The following ITGA11 variants were observed in gnomAD, a reference collection of about 807,000 sequenced individuals.
ITGA11 encodes integrin alpha-11.
Under a neutral mutation model 141.9 loss-of-function variants are expected in ITGA11, and 97 were observed. The observed-to-expected ratio is 0.68, with a 90% CI of 0.58 to 0.81. ITGA11 has a LOEUF of 0.81. ITGA11 is among the 30% of genes least tolerant of loss of function. ITGA11 has a pLI of 0.00. For synonymous variants in ITGA11, 658 were observed against 624.6 expected (o/e 1.05, Z -0.80); for missense variants, 1,387 against 1,559.2 (o/e 0.89, Z 1.86).
chr15:68,305,244 C>T lies in ITGA11; in HGVS notation c.3382-1359G>A, dbSNP rs1595847724. On this transcript the variant is annotated intron_variant, in intron 28 of 29. Transcript: ENST00000315757. This position sits in a 1 kb window ranked among gnomAD's most constrained non-coding sequence, Gnocchi z 4.6. ...GGGTTTCCCTCACGCAGCCACGAGA[C>T]ACTCCTGTCTTCCTCATGGTCTCTG... Among the ~76,000 whole-genome samples, 4 of 152,220 alleles carry T rather than the reference C, an allele frequency of 2.6e-5. No homozygotes were observed. The highest frequency in any genetic ancestry group is 1.3e-4 in the Admixed American group (2 of 15,288).
At position 68,308,616 on chromosome 15, in the gene ITGA11, G is replaced by A. The variant is rs1040771301; in HGVS notation, c.3175-920C>T. ...AAATTAGCCAGCCGTGGTGGCACGC[G>A]CCTGTAGTCCCAACTACTTGGGAGG... On this transcript the variant is annotated intron_variant, in intron 26 of 29. Transcript: ENST00000315757. The surrounding 1 kb of genome is among the most constrained non-coding windows in gnomAD (Gnocchi z 5.2). 5.9e-5 allele frequency among the ~76,000 whole-genome samples: 9 copies of A among 152,074 alleles called. No individual in the cohort carries two copies. Among genetic ancestry groups the A allele is most frequent in the South Asian group, 2.1e-4 (1 of 4,822 alleles).
intron 20 of ITGA11, among the ~76,000 whole-genome samples, chr15:68,318,594 T>C (rs539106878): frequency 3.9e-5 from 6 of 152,188 alleles, no homozygotes; most frequent in African/African-American, 1.2e-4. Context: ...TTGAGGTCTG[T>C]TTGAGGATGG....
At position 68,311,281 on chromosome 15, in the gene ITGA11, C is replaced by A; in HGVS notation, c.3087+9G>T. The A allele has an allele frequency of 1.3e-6, 2 of 1,547,086 alleles. No individual in the cohort carries two copies. The highest frequency in any genetic ancestry group is 2.4e-5 in the East Asian group (1 of 41,580). On this transcript the variant is annotated intron_variant, in intron 25 of 29. Transcript: ENST00000315757. ...CCCTCCCCTAGCCGGCTCCCAAGGC[C>A]ATCACCACCTCGTCCGTGAGGAAGT...
At chr15:68,366,783 G>A (rs184400168) in intron 3 of ITGA11, among the ~76,000 whole-genome samples, 7 of 152,152 alleles carry the variant, frequency 4.6e-5, no homozygotes, top group Non-Finnish European at 8.8e-5. Context: ...CCCTGGCTTT[G>A]AGAATCACAT....
intron 3 of ITGA11, chr15:68,365,137 G>A (rs973992166): frequency 2.3e-5 from 23 of 985,150 alleles, no homozygotes; most frequent in Non-Finnish European, 2.7e-5. Flanking sequence ...GCATGCCATG[G>A]CATCCCACCT....
At chr15:68,429,156 C>A (rs1210400443) in intron 1 of ITGA11, among the ~76,000 whole-genome samples, 1 of 152,186 alleles carries the variant, frequency 6.6e-6, no homozygotes, top group South Asian at 2.1e-4. Flanking sequence ...AAGCATTAAT[C>A]TTTGTGATAA....
chr15:68,362,087 A>C, intron 4 of ITGA11: 1 of 162,566 alleles, frequency 6.2e-6, no homozygotes, highest in Non-Finnish European at 1.3e-5. Flanking sequence ...CACTAGAATA[A>C]CTCCTCTGTC....
At chr15:68,430,137 C>G (rs895879229) in intron 1 of ITGA11, among the ~76,000 whole-genome samples, 1 of 152,236 alleles carries the variant, frequency 6.6e-6, no homozygotes. Context: ...AAGAATGCAA[C>G]TGACCAGACA....
At chr15:68,351,050 G>C (rs1005244942) in intron 8 of ITGA11, among the ~76,000 whole-genome samples, 1 of 152,148 alleles carries the variant, frequency 6.6e-6, no homozygotes, top group African/African-American at 2.4e-5. Flanking sequence ...GCAATGGATG[G>C]GGGGAAACAC....
chr15:68,409,051 C>T (rs201041867), intron 1 of ITGA11, among the ~76,000 whole-genome samples: 1 of 152,226 alleles, frequency 6.6e-6, no homozygotes, highest in Non-Finnish European at 1.5e-5. Context: ...GTACTCAATA[C>T]ATCTTGGTTG....
intron 1 of ITGA11, among the ~76,000 whole-genome samples, chr15:68,411,657 T>C (rs1896773628): frequency 6.6e-6 from 1 of 152,224 alleles, no homozygotes; most frequent in Non-Finnish European, 1.5e-5. Context: ...CTGCTCCAGC[T>C]TGCATCATCA....
rs1171093495 is a variant in ITGA11, at chr15:68,396,932, A to ATACAATATATTATTTAT, written c.164+5985_164+5986insATAAATAATATATTGTA. On this transcript the variant is annotated intron_variant, in intron 2 of 29. Coordinates refer to ENST00000315757, the MANE Select transcript of ITGA11 (RefSeq NM_001004439.2). Reference sequence around the variant, plus strand: ...TATTATATATTATTTATTATATAATATATAATATATTATATATTATTTATT... The same window carrying ATACAATATATTATTTAT: ...TATTATATATTATTTATTATATAATATACAATATATTATTTATTATAATATATTATATATTATTTATT... Among the ~76,000 whole-genome samples, 4 of 34,890 alleles carry ATACAATATATTATTTAT rather than the reference A, an allele frequency of 1.1e-4. 1 individual carries two copies. Among genetic ancestry groups the ATACAATATATTATTTAT allele is most frequent in the African/African-American group, 2.8e-4 (2 of 7,054 alleles). The allele number at this position is 34,890 out of a possible 152,430, so 22.9% of individuals were successfully genotyped here.
At chr15:68,329,479 C>T (rs1028733652) in intron 15 of ITGA11, among the ~76,000 whole-genome samples, 8 of 152,218 alleles carry the variant, frequency 5.3e-5, no homozygotes, top group African/African-American at 1.4e-4. Context: ...AGAGGGCTCT[C>T]GCCCGCAATT....
Position 68,333,677 on chromosome 15 carries a change from C to A in ITGA11, c.1426-1199G>T, listed in dbSNP as rs1894252547. Reference sequence around the variant, plus strand: ...CCTAGGTGAGGCGCCTTCTAAAGGGCCTTCCAGCCTCAGGCTGGCCCCTTC... The same window carrying A: ...CCTAGGTGAGGCGCCTTCTAAAGGGACTTCCAGCCTCAGGCTGGCCCCTTC... On this transcript the variant is annotated intron_variant, in intron 12 of 29. Coordinates refer to ENST00000315757, the MANE Select transcript of ITGA11 (RefSeq NM_001004439.2). The surrounding 1 kb of genome is among the most constrained non-coding windows in gnomAD (Gnocchi z 4.2). Among the ~76,000 whole-genome samples the A allele has an allele frequency of 6.6e-6, 1 of 152,320 alleles. No homozygotes were observed. The highest frequency in any genetic ancestry group is 2.4e-5 in the African/African-American group (1 of 41,572).
chr15:68,325,003 G>C lies in ITGA11; in HGVS notation c.2322+128C>G. 1.4e-6 allele frequency: 1 copy of C among 711,584 alleles called. No individual in the cohort carries two copies. Among genetic ancestry groups the C allele is most frequent in the South Asian group, 1.6e-5 (1 of 60,966 alleles). The allele number at this position is 711,584 out of a possible 1,614,324, so 44.1% of individuals were successfully genotyped here. On this transcript the variant is annotated intron_variant, in intron 18 of 29. Coordinates refer to ENST00000315757, the MANE Select transcript of ITGA11 (RefSeq NM_001004439.2). The surrounding 1 kb of genome is among the most constrained non-coding windows in gnomAD (Gnocchi z 5.5). ...CCACACTGTGGGTTTGCCAGGACAG[G>C]AGGTGGGAAGGTGAGATGAGGGATG...
At position 68,328,284 on chromosome 15, in the gene ITGA11, G is replaced by A. The variant is rs552036403; in HGVS notation, c.1902-22C>T. Reference sequence around the variant, plus strand: ...GGACCTGGAGGAGAAGGGCCAGTGAGCTGGGGTGGGGCAGGGGCTCAGGCT... The same window carrying A: ...GGACCTGGAGGAGAAGGGCCAGTGAACTGGGGTGGGGCAGGGGCTCAGGCT... On this transcript the variant is annotated intron_variant, in intron 15 of 29. Transcript: ENST00000315757. This position sits in a 1 kb window ranked among gnomAD's most constrained non-coding sequence, Gnocchi z 4.8. 1 of 1,608,206 alleles carries A rather than the reference G, an allele frequency of 6.2e-7. No homozygotes were observed. The highest frequency in any genetic ancestry group is 1.7e-4 in the Middle Eastern group (1 of 6,022).
chr15:68,306,199 A>AG (rs1295351058), intron 28 of ITGA11, among the ~76,000 whole-genome samples: 1 of 151,076 alleles, frequency 6.6e-6, no homozygotes, highest in African/African-American at 2.4e-5. Context: ...CAAAAAAAAA[A>AG]AAAAGGGAGT....
rs1035056399 is a variant in ITGA11 at position 68,303,870 on chromosome 15, A to G, written c.3397T>C (p.Ser1133Pro). 6.2e-7 allele frequency: 1 copy of G among 1,611,862 alleles called. No individual in the cohort carries two copies. Among genetic ancestry groups the G allele is most frequent in the Non-Finnish European group, 8.5e-7 (1 of 1,178,542 alleles). ...GGGACCTGCCAGTCCTCTTGCTTGG[A>G]GATCTCAAACACGATCTGCAAGGGG... ...DPSRQIVFEI[S>P]KQEDWQVPIW... The change falls in exon 29 of 30, where the codon TCC becomes CCC. Residue 1133 changes from serine to proline, a missense_variant. Ser to Pro is a moderately conservative substitution (Grantham distance 74). Coordinates refer to ENST00000315757, the MANE Select transcript of ITGA11 (RefSeq NM_001004439.2). This position sits in a 1 kb window ranked among gnomAD's most constrained non-coding sequence, Gnocchi z 5.3.
chr15:68,421,880 G>A (rs1343264171), intron 1 of ITGA11, among the ~76,000 whole-genome samples: 8 of 151,966 alleles, frequency 5.3e-5, no homozygotes, highest in African/African-American at 1.9e-4. Context: ...ACCGGGACAT[G>A]TTCAGGACGA....
Sources: gnomAD v4.1 joint callset for allele counts (sites outside exome capture counted in the v4.1 genomes callset) on GRCh38, gnomAD v4.1.1 for gene constraint, Gnocchi (gnomAD v3.1) non-coding constraint, MANE v1.5 for transcripts, NCBI Gene and HGNC (gene_info 2026-07-23, HGNC 2026-07-21) for gene names.